Variants in CRPPA observed in about 807,000 individuals in gnomAD.
The protein encoded by CRPPA is CDP-L-ribitol pyrophosphorylase A.
In CRPPA, 43 loss-of-function variants were observed where a neutral mutation model predicts 52.0. That is an observed-to-expected ratio of 0.83 (90% confidence interval 0.65 to 1.07). The LOEUF is 1.07. CRPPA is among the 50% of genes least tolerant of loss of function. The probability of loss-of-function intolerance (pLI) is 0.00; values close to 1 mark genes in which losing one functional copy is unlikely to be tolerated. For missense variants in CRPPA, 629 were observed against 551.7 expected (o/e 1.14, Z -1.40); for synonymous variants, 250 against 203.5 (o/e 1.23, Z -1.94).
chr7:16,383,920 A>G (rs1463825594), intron 2 of CRPPA, among the ~76,000 whole-genome samples: 4 of 152,306 alleles, frequency 2.6e-5, no homozygotes, highest in Admixed American at 2.0e-4. Context: ...TGACTAGGAA[A>G]GGGAACTCCC....
At chr7:16,408,123 A>AT (rs1491334273) in intron 1 of CRPPA, among the ~76,000 whole-genome samples, 13 of 137,300 alleles carry the variant, frequency 9.5e-5, no homozygotes, top group East Asian at 4.3e-4. Flanking sequence ...AAAAAAAAAT[A>AT]AAAAAATAAC....
chr7:16,138,573 C>T (rs1354219407), intron 9 of CRPPA, among the ~76,000 whole-genome samples: 2 of 152,196 alleles, frequency 1.3e-5, no homozygotes, highest in Non-Finnish European at 2.9e-5. Context: ...TAACTGCAAT[C>T]CTATACAAGC....
intron 3 of CRPPA, among the ~76,000 whole-genome samples, chr7:16,338,043 G>C (rs1785731244): frequency 6.6e-6 from 1 of 151,876 alleles, no homozygotes; most frequent in Non-Finnish European, 1.5e-5. Context: ...GACACTACAA[G>C]AAAACAAAGT....
intron 3 of CRPPA, among the ~76,000 whole-genome samples, chr7:16,331,782 T>C (rs1037321342): frequency 4.6e-5 from 7 of 152,058 alleles, no homozygotes; most frequent in African/African-American, 1.7e-4. Flanking sequence ...GTTATCTTAA[T>C]AGAAACCTCT....
intron 8 of CRPPA, 111 bp downstream of exon 8, chr7:16,258,279 C>T: frequency 1.7e-6 from 1 of 578,454 alleles, no homozygotes. Context: ...ACAAGAGTTT[C>T]TTTTGAGTAT....
At chr7:16,194,858 T>C (rs1328927981) in intron 9 of CRPPA, among the ~76,000 whole-genome samples, 1 of 151,476 alleles carries the variant, frequency 6.6e-6, no homozygotes, top group Middle Eastern at 3.2e-3. Flanking sequence ...GTTTTTTTTT[T>C]TCTCTTAACA....
At chr7:16,092,013 T>C (rs1037817823) in intron 9 of CRPPA, among the ~76,000 whole-genome samples, 1 of 152,212 alleles carries the variant, frequency 6.6e-6, no homozygotes, top group African/African-American at 2.4e-5. Flanking sequence ...TTGCTTAAGA[T>C]GCAAGGAAAA....
intron 9 of CRPPA, among the ~76,000 whole-genome samples, chr7:16,139,197 A>T (rs1782818858): frequency 6.6e-6 from 1 of 152,218 alleles, no homozygotes; most frequent in South Asian, 2.1e-4. Flanking sequence ...GAATCCAACG[A>T]GGTGGAAACA....
At chr7:16,290,264 C>A (rs993475660) in intron 5 of CRPPA, among the ~76,000 whole-genome samples, 3 of 151,840 alleles carry the variant, frequency 2.0e-5, no homozygotes, top group East Asian at 3.9e-4. Flanking sequence ...TATCAAAATA[C>A]CAATGATATC....
chr7:16,364,602 G>C (rs189312665), intron 3 of CRPPA, among the ~76,000 whole-genome samples: 27 of 152,314 alleles, frequency 1.8e-4, no homozygotes, highest in Non-Finnish European at 3.4e-4. Context: ...ATACAGATGT[G>C]ATAGGTAATG....
In CRPPA at chr7:16,421,467, T is replaced by C. The variant is rs7783221; in HGVS notation, c.-145A>G. On this transcript the variant is annotated 5_prime_UTR_variant, in exon 1 of 10. Coordinates refer to ENST00000407010, the MANE Select transcript of CRPPA (RefSeq NM_001101426.4). ...AAGCAGAAGGCGCCCCCCTCAGCCG[T>C]CGGAGCCCCGCTGTTGCTGCCCCGC... is the stretch of plus-strand genomic sequence containing the variant. 0.98 allele frequency: 744,065 copies of C among 759,338 alleles called. 364,659 individuals are homozygous for C. The highest frequency in any genetic ancestry group is 1 in the East Asian group (26,687 of 26,688). 47.0% of individuals were successfully genotyped at this position (759,338 alleles called of 1,614,324 possible).
rs573418831 is a variant in CRPPA, at chr7:16,368,261, T to C, written c.684+7831A>G. ...CTTCATGTTCCTGAAGATCGCATAGTTTCCACTCTTGAAATTTGTATTATT... is the reference window on the plus strand; with the variant it reads ...CTTCATGTTCCTGAAGATCGCATAGCTTCCACTCTTGAAATTTGTATTATT... On this transcript the variant is annotated intron_variant, in intron 3 of 9. Transcript: ENST00000407010. Among the ~76,000 whole-genome samples, 6 of 152,314 alleles carry C rather than the reference T, an allele frequency of 3.9e-5. No homozygotes were observed. The East Asian group carries it at 1.2e-3, about 29-fold the overall frequency.
chr7:16,376,399 T>A (rs937896335), intron 2 of CRPPA, among the ~76,000 whole-genome samples, 158 bp from the exon 3 acceptor site: 2 of 152,102 alleles, frequency 1.3e-5, no homozygotes, highest in African/African-American at 4.8e-5. Flanking sequence ...AAAATGGTTA[T>A]TTCAGGTAAA....
At chr7:16,292,614 G>T (rs950155371) in intron 5 of CRPPA, among the ~76,000 whole-genome samples, 4 of 151,910 alleles carry the variant, frequency 2.6e-5, no homozygotes, top group Non-Finnish European at 5.9e-5. Context: ...TTTCAGTCCA[G>T]TTGTAAGTGC....
chr7:16,283,251 CAT>C (rs140032683), intron 5 of CRPPA, among the ~76,000 whole-genome samples: 1,757 of 145,558 alleles, frequency 0.012, 16 homozygotes, highest in African/African-American at 0.027. Context: ...ACTGATCTAC[CAT>C]ATATATATAT....
chr7:16,354,586 CT>C (rs1786248632), intron 3 of CRPPA, among the ~76,000 whole-genome samples: 2 of 152,204 alleles, frequency 1.3e-5, no homozygotes, highest in Admixed American at 6.5e-5. Context: ...CTTGAGATTA[CT>C]TTAGAAGAGA....
intron 4 of CRPPA, among the ~76,000 whole-genome samples, chr7:16,306,350 C>T (rs1413725477): frequency 1.3e-5 from 2 of 152,288 alleles, no homozygotes; most frequent in Admixed American, 6.5e-5. Flanking sequence ...ATCAGGTTAG[C>T]GTGCACTGAT....
chr7:16,375,026 C>G (rs1445492468), intron 3 of CRPPA, among the ~76,000 whole-genome samples: 2 of 152,100 alleles, frequency 1.3e-5, no homozygotes, highest in African/African-American at 4.8e-5. Flanking sequence ...TTTAGAAATC[C>G]TAGGCAACAT....
rs529592447 is a variant in CRPPA, at chr7:16,114,501, T to C, written c.1252-22702A>G. ...TGAAAAGAAAGAAGGGAGCTACTGATGAGTATAAAGTTTATTTAAAATCAC... is the reference window on the plus strand; with the variant it reads ...TGAAAAGAAAGAAGGGAGCTACTGACGAGTATAAAGTTTATTTAAAATCAC... On this transcript the variant is annotated intron_variant, in intron 9 of 9. Coordinates refer to ENST00000407010, the MANE Select transcript of CRPPA (RefSeq NM_001101426.4). 2.0e-5 allele frequency among the ~76,000 whole-genome samples: 3 copies of C among 152,198 alleles called. No individual in the cohort carries two copies. In the East Asian group the frequency reaches 5.8e-4, roughly 29 times the overall value.
Sources: gnomAD v4.1 joint callset for allele counts (sites outside exome capture counted in the v4.1 genomes callset) on GRCh38, gnomAD v4.1.1 for gene constraint, MANE v1.5 for transcripts, NCBI Gene and HGNC (gene_info 2026-07-23, HGNC 2026-07-21) for gene names.